NDST4: variants seen among roughly 807,000 people sequenced by gnomAD.
NDST4 encodes N-deacetylase and N-sulfotransferase 4, also known as N-heparan sulfate sulfotransferase 4.
In NDST4, 63 loss-of-function variants were observed where a neutral mutation model predicts 100.8. That is an observed-to-expected ratio of 0.62 (90% CI 0.51 to 0.77). The LOEUF (loss-of-function observed/expected upper bound fraction) is 0.77, where lower values mean the gene tolerates loss of function less well. Ranked by LOEUF, NDST4 falls within the 30% of genes least tolerant of loss-of-function variation. The probability of loss-of-function intolerance (pLI) is 0.00; values close to 1 mark genes in which losing one functional copy is unlikely to be tolerated. For synonymous variants in NDST4, 377 were observed against 361.8 expected, an observed-to-expected ratio of 1.04 and a Z score of -0.48; for missense variants, 943 against 1,018.4, an observed-to-expected ratio of 0.93 and a Z score of 1.01.
intron 2 of NDST4, 105 bp from the exon 3 acceptor site, chr4:114,977,379 C>T: frequency 1.5e-6 from 1 of 645,318 alleles, no homozygotes; most frequent in Middle Eastern, 3.6e-4. Context: ...ATGATATGAG[C>T]TTTCTTGTTT....
chr4:114,977,394 T>C (rs1726663195), intron 2 of NDST4, 120 bp from the exon 3 acceptor site: 1 of 610,950 alleles, frequency 1.6e-6, no homozygotes, highest in African/African-American at 1.9e-5. Context: ...TTGTTTTTGA[T>C]GGGTACTGTT....
intron 1 of NDST4, among the ~76,000 whole-genome samples, chr4:115,080,700 G>A (rs1659291376): frequency 1.7e-5 from 1 of 60,292 alleles, no homozygotes; most frequent in South Asian, 3.3e-4. Context: ...TAGTGTGTGT[G>A]TGTGTGTGTA....
At chr4:115,071,188 C>T (rs1181303581) in intron 2 of NDST4, among the ~76,000 whole-genome samples, 2 of 151,304 alleles carry the variant, frequency 1.3e-5, no homozygotes, top group Non-Finnish European at 2.9e-5. Flanking sequence ...CATTAATATT[C>T]TTTGCCTTAA....
intron 2 of NDST4, among the ~76,000 whole-genome samples, chr4:115,071,310 A>T (rs1729073841): frequency 6.6e-6 from 1 of 151,042 alleles, no homozygotes; most frequent in Non-Finnish European, 1.5e-5. Flanking sequence ...ACACACACAC[A>T]CACACACACA....
chr4:114,988,486 C>A (rs1487605312), intron 2 of NDST4, among the ~76,000 whole-genome samples: 1 of 151,174 alleles, frequency 6.6e-6, no homozygotes, highest in Non-Finnish European at 1.5e-5. Context: ...CTCAGCCTCC[C>A]AAGTAGCTGG....
chr4:114,839,546 G>A lies in NDST4; in HGVS notation c.2118C>T (p.His706=). 6.2e-7 allele frequency: 1 copy of A among 1,612,996 alleles called. No homozygotes were observed. Among genetic ancestry groups the A allele is most frequent in the African/African-American group, 1.3e-5 (1 of 74,966 alleles). The change falls in exon 11 of 14, where the codon CAC becomes CAT. Residue 706 remains histidine, a splice_region_variant and synonymous_variant. Transcript: ENST00000264363. ...CAGCTGGATCTTCATGTGATCGTTG[G>A]TGCTTTAACAAGAAAGTCAATTGTA... ...PSDRAYSWYQ[H]QRSHEDPAAL...
chr4:115,095,531 C>A (rs780936593), intron 1 of NDST4, among the ~76,000 whole-genome samples: 19 of 151,972 alleles, frequency 1.3e-4, no homozygotes, highest in Admixed American at 2.6e-4. Context: ...TCACTAATAG[C>A]CTATTTTTCT....
At chr4:114,909,687 A>G (rs2126214148) in intron 6 of NDST4, among the ~76,000 whole-genome samples, 1 of 151,084 alleles carries the variant, frequency 6.6e-6, no homozygotes, top group East Asian at 1.9e-4. Flanking sequence ...AAAAAAAAAA[A>G]AAGAAAGCTA....
chr4:114,872,831 G>A (rs1724176884), intron 6 of NDST4, among the ~76,000 whole-genome samples: 1 of 151,852 alleles, frequency 6.6e-6, no homozygotes, highest in African/African-American at 2.4e-5. Flanking sequence ...TTAAAACCAG[G>A]CAGTCAGATT....
chr4:114,889,019 C>T (rs1301455762), intron 6 of NDST4, among the ~76,000 whole-genome samples: 2 of 152,088 alleles, frequency 1.3e-5, no homozygotes, highest in African/African-American at 4.8e-5. Flanking sequence ...TCCCTGCCAG[C>T]TATCAGTTCC....
At position 114,909,410 on chromosome 4, in the gene NDST4, C is replaced by T. The variant is rs370266303; in HGVS notation, c.1536+25796G>A. ...GCGCGGTGGCTCACGCCTGTAATCC[C>T]AGCACTTTGGGAGGCCGAGGCGGGT... On this transcript the variant is annotated intron_variant, in intron 6 of 13. Coordinates refer to ENST00000264363, the MANE Select transcript of NDST4 (RefSeq NM_022569.3). 3.3e-5 allele frequency among the ~76,000 whole-genome samples: 5 copies of T among 151,846 alleles called. No individual in the cohort carries two copies. In the East Asian group the frequency reaches 9.7e-4, roughly 29 times the overall value.
intron 4 of NDST4, among the ~76,000 whole-genome samples, chr4:114,960,464 G>A (rs1019518931): frequency 1.2e-4 from 19 of 152,010 alleles, no homozygotes; most frequent in African/African-American, 3.9e-4. Context: ...AAATTAGCTG[G>A]GTGTGGTGGC....
intron 9 of NDST4, among the ~76,000 whole-genome samples, chr4:114,847,375 CAAAAAAAAAAAAAAAAAAAAAAAAAAA>C (rs57987259): frequency 2.2e-4 from 4 of 18,236 alleles, no homozygotes; most frequent in East Asian, 1.4e-3. Flanking sequence ...GACTCCGTCT[CAAAAAAAAAAAAAAAAAAAAAAAAAAA>C]AAAAAAAAAA....
intron 6 of NDST4, among the ~76,000 whole-genome samples, chr4:114,911,030 C>T (rs1171706580): frequency 6.6e-6 from 1 of 152,188 alleles, no homozygotes; most frequent in Non-Finnish European, 1.5e-5. Context: ...CTTCTCCATT[C>T]ACTAATCAGA....
chr4:114,997,617 TTTTCCTAACTTCCTGCAAGATAGTA>T (rs1363462318), intron 2 of NDST4, among the ~76,000 whole-genome samples: 1 of 152,058 alleles, frequency 6.6e-6, no homozygotes, highest in African/African-American at 2.4e-5. Context: ...TTTGTGAAAC[TTTTCCTAACTTCCTGCAAGATAGTA>T]AAGGCTTAGA....
intron 6 of NDST4, 57 bp from the exon 7 acceptor site, chr4:114,871,007 C>T: frequency 7.4e-7 from 1 of 1,351,222 alleles, no homozygotes; most frequent in Non-Finnish European, 1.0e-6. Flanking sequence ...TTAAAAGTAG[C>T]AGTACAAGCC....
chr4:114,977,242 A>T lies in NDST4; in HGVS notation c.1011T>A (p.Thr337=). The T allele has an allele frequency of 1.9e-6, 3 of 1,610,416 alleles. No individual in the cohort carries two copies. The highest frequency in any genetic ancestry group is 3.3e-5 in the Admixed American group (2 of 59,806). ...ALLETQNLLR[T]QVANFTFNLG... ...GGTTGAAGGTAAAATTTGCAACCTG[A>T]GTGCGCAGTAAATTTTGAGTCTCTA... Residue 337 remains threonine, a synonymous_variant, in exon 3 of 14, where the codon ACT becomes ACA. Coordinates refer to ENST00000264363, the MANE Select transcript of NDST4 (RefSeq NM_022569.3).
At chr4:114,918,721 G>A (rs1027693494) in intron 6 of NDST4, among the ~76,000 whole-genome samples, 2 of 152,002 alleles carry the variant, frequency 1.3e-5, no homozygotes, top group Middle Eastern at 3.2e-3. Flanking sequence ...GAAACTCCCC[G>A]GTCAGAGATC....
Position 114,929,093 on chromosome 4 carries a change from C to CATCG in NDST4, c.1536+6112_1536+6113insCGAT, listed in dbSNP as rs1725450241. 2.8e-5 allele frequency among the ~76,000 whole-genome samples: 3 copies of CATCG among 108,474 alleles called. No individual in the cohort carries two copies. The South Asian group carries it at 8.0e-4, about 29-fold the overall frequency. 71.2% of individuals were successfully genotyped at this position (108,474 alleles called of 152,430 possible). Reference sequence around the variant, plus strand: ...CCGTCCGTCCATCCATCCATCCATCCATCCATCCATCCATCCATCCATCTA... The same window carrying CATCG: ...CCGTCCGTCCATCCATCCATCCATCCATCGATCCATCCATCCATCCATCCATCTA... On this transcript the variant is annotated intron_variant, in intron 6 of 13. Coordinates refer to ENST00000264363, the MANE Select transcript of NDST4 (RefSeq NM_022569.3).
Sources: gnomAD v4.1 joint callset for allele counts (sites outside exome capture counted in the v4.1 genomes callset) on GRCh38, gnomAD v4.1.1 for gene constraint, MANE v1.5 for transcripts, NCBI Gene and HGNC (gene_info 2026-07-23, HGNC 2026-07-21) for gene names.